Variants in CPT1A observed in about 807,000 individuals in gnomAD.
CPT1A encodes the protein carnitine O-palmitoyltransferase 1, liver isoform.
In CPT1A, 64 loss-of-function variants were observed where a neutral mutation model predicts 100.8. That is an observed-to-expected ratio of 0.63 (90% CI 0.52 to 0.78). The LOEUF (loss-of-function observed/expected upper bound fraction) is 0.78, where lower values mean the gene tolerates loss of function less well. Among genes scored for constraint, CPT1A ranks in the 30% least tolerant of loss-of-function variants. The pLI is 0.00. For missense variants in CPT1A, 802 were observed against 1,034.1 expected (o/e 0.78, Z 3.08); for synonymous variants, 363 against 396.0 (o/e 0.92, Z 0.99).
rs1854626435 is a variant in CPT1A at position 68,761,764 on chromosome 11, AC to A, written c.1876-78del. The A allele has an allele frequency of 4.6e-6, 7 of 1,523,654 alleles. No individual in the cohort carries two copies. In the Admixed American group the frequency reaches 1.2e-4, roughly 25 times the overall value. The allele number at this position is 1,523,654 out of a possible 1,614,324, so 94.4% of individuals were successfully genotyped here. ...GTTACGGATCTAAGTTAGCCACCGCACCCGGCTAATATTTTTTGTTATTTTT... is the reference window on the plus strand; with the variant it reads ...GTTACGGATCTAAGTTAGCCACCGCACCGGCTAATATTTTTTGTTATTTTT... On this transcript the variant is annotated intron_variant, in intron 15 of 18. Transcript: ENST00000265641.
intron 9 of CPT1A, among the ~76,000 whole-genome samples, chr11:68,789,096 A>G (rs1267954225): frequency 6.6e-6 from 1 of 152,254 alleles, no homozygotes; most frequent in Non-Finnish European, 1.5e-5. Flanking sequence ...ATAAATGTCA[A>G]TAATGATTGT....
At chr11:68,795,675 C>T (rs73519169) in intron 7 of CPT1A, among the ~76,000 whole-genome samples, 3,707 of 152,148 alleles carry the variant, frequency 0.024, 156 homozygotes, top group African/African-American at 0.084. Flanking sequence ...TTTGGGAGAC[C>T]GAGGCGCACG....
At chr11:68,827,595 T>G (rs1366009642) in intron 1 of CPT1A, among the ~76,000 whole-genome samples, 5 of 149,154 alleles carry the variant, frequency 3.4e-5, no homozygotes, top group African/African-American at 1.2e-4. Context: ...TTGCCCAGGC[T>G]GGTCTTGAAC....
At chr11:68,772,848 G>A (rs3763831) in intron 14 of CPT1A, among the ~76,000 whole-genome samples, 117,656 of 151,852 alleles carry the variant, frequency 0.77, 46,505 homozygotes, top group East Asian at 0.87. Context: ...CGTGGACCAT[G>A]TTCACCTGAC....
At chr11:68,807,847 C>T (rs1047563546) in intron 3 of CPT1A, among the ~76,000 whole-genome samples, 3 of 152,220 alleles carry the variant, frequency 2.0e-5, no homozygotes, top group East Asian at 1.9e-4. Context: ...CCAATCACGC[C>T]GAAAGTAGCT....
At chr11:68,795,556 A>C (rs1189067759) in intron 7 of CPT1A, among the ~76,000 whole-genome samples, 1 of 152,174 alleles carries the variant, frequency 6.6e-6, no homozygotes, top group Non-Finnish European at 1.5e-5. Flanking sequence ...AGATTATTTC[A>C]GATGGGAAAA....
At chr11:68,811,204 A>C (rs542358401) in intron 3 of CPT1A, among the ~76,000 whole-genome samples, 165 of 152,270 alleles carry the variant, frequency 1.1e-3, no homozygotes, top group Admixed American at 1.7e-3. Flanking sequence ...ACAAAGCCCA[A>C]TTATGAGGAG....
At chr11:68,759,112 G>A (rs1946750474) in intron 18 of CPT1A, among the ~76,000 whole-genome samples, 1 of 151,948 alleles carries the variant, frequency 6.6e-6, no homozygotes, top group Non-Finnish European at 1.5e-5. Flanking sequence ...AAAAAATTTA[G>A]GCCAGGCGCG....
intron 12 of CPT1A, among the ~76,000 whole-genome samples, chr11:68,776,776 G>A (rs1261455308): frequency 1.3e-5 from 2 of 152,198 alleles, no homozygotes; most frequent in East Asian, 1.9e-4. Flanking sequence ...CTACTCGGGA[G>A]GCTAAGCAGT....
intron 1 of CPT1A, among the ~76,000 whole-genome samples, chr11:68,816,551 C>T (rs569457232): frequency 2.0e-5 from 3 of 152,304 alleles, no homozygotes; most frequent in Non-Finnish European, 4.4e-5. Flanking sequence ...CTCCGGCCGC[C>T]TTCCTTCAGG....
intron 10 of CPT1A, 139 bp from the exon 11 acceptor site, chr11:68,782,098 T>C: frequency 2.5e-6 from 2 of 801,954 alleles, no homozygotes; most frequent in South Asian, 3.1e-5. Flanking sequence ...GTTCCCCATC[T>C]GAGACTGTTT....
intron 9 of CPT1A, among the ~76,000 whole-genome samples, chr11:68,791,644 C>T (rs1461808121): frequency 6.6e-6 from 1 of 152,102 alleles, no homozygotes; most frequent in Non-Finnish European, 1.5e-5. Context: ...TCAAGTGATT[C>T]GTCTGCCTTA....
intron 5 of CPT1A, among the ~76,000 whole-genome samples, chr11:68,801,296 C>T (rs1451228851): frequency 6.6e-6 from 1 of 152,032 alleles, no homozygotes; most frequent in Non-Finnish European, 1.5e-5. Flanking sequence ...GAACAGGGGC[C>T]GTCATCAGCC....
At chr11:68,757,974 G>A (rs1274573987) in intron 18 of CPT1A, among the ~76,000 whole-genome samples, 2 of 152,152 alleles carry the variant, frequency 1.3e-5, no homozygotes, top group African/African-American at 4.8e-5. Flanking sequence ...ATGCCAATGC[G>A]TTTATCCCAC....
Position 68,773,281 on chromosome 11 carries a change from T to C in CPT1A, c.1724A>G (p.Gln575Arg). 1 of 1,614,136 alleles carries C rather than the reference T, an allele frequency of 6.2e-7. No individual in the cohort carries two copies. The highest frequency in any genetic ancestry group is 8.5e-7 in the Non-Finnish European group (1 of 1,180,022). Residue 575 changes from glutamine (Q) to arginine (R), a missense_variant, in exon 14 of 19, where the codon CAG becomes CGG. By Grantham distance (43) the Gln-to-Arg change is conservative (BLOSUM62 1). This residue lies in a region of CPT1A where 627 missense variants were observed against 799.3 expected (regional missense o/e 0.78). Transcript: ENST00000265641. ...AGTTCTTACCTTGTAGTGCGCCAGC[T>C]GGAGGGCCAGCTGCACAAAGGCGTC... Reference protein sequence around the residue: ...SPDAFVQLALQLAHYKDMGKF... With the variant: ...SPDAFVQLALRLAHYKDMGKF...
chr11:68,819,141 C>T (rs1432545587), intron 1 of CPT1A, among the ~76,000 whole-genome samples: 1 of 152,088 alleles, frequency 6.6e-6, no homozygotes, highest in Non-Finnish European at 1.5e-5. Flanking sequence ...TGCAGCGGCG[C>T]CATCTCAGCT....
At chr11:68,812,196 GC>G (rs1374283575) in intron 3 of CPT1A, among the ~76,000 whole-genome samples, 2 of 152,188 alleles carry the variant, frequency 1.3e-5, no homozygotes, top group Admixed American at 6.5e-5. Context: ...TCCAAGGGGT[GC>G]CCCAGGGCCA....
chr11:68,767,169 A>C (rs1355253633), intron 14 of CPT1A, among the ~76,000 whole-genome samples: 1 of 152,264 alleles, frequency 6.6e-6, no homozygotes, highest in Non-Finnish European at 1.5e-5. Context: ...TTAGCTTTCT[A>C]AGCCATGAAA....
intron 8 of CPT1A, 136 bp from the exon 9 acceptor site, chr11:68,793,538 G>A (rs1349584481): frequency 1.6e-6 from 1 of 624,380 alleles, no homozygotes; most frequent in African/African-American, 1.8e-5. Context: ...GAGGTCAGTA[G>A]ATGGAGACCA....
Sources: allele counts gnomAD v4.1 joint callset (sites outside exome capture counted in the v4.1 genomes callset), GRCh38; gene constraint gnomAD v4.1.1; regional missense constraint gnomAD v4.1.1; transcripts MANE v1.5; gene names NCBI Gene and HGNC (gene_info 2026-07-23, HGNC 2026-07-21).